Variants in SLC24A2 observed in about 807,000 individuals in gnomAD.
SLC24A2 encodes solute carrier family 24 member 2.
In SLC24A2, 36 loss-of-function variants were observed where a neutral mutation model predicts 62.0. That is an observed-to-expected ratio of 0.58 (90% CI 0.44 to 0.77). The LOEUF is 0.77. Among genes scored for constraint, SLC24A2 ranks in the 30% least tolerant of loss-of-function variants. The pLI is 0.00. For synonymous variants in SLC24A2, 358 were observed against 294.0 expected (o/e 1.22, Z -2.23); for missense variants, 846 against 817.9 (o/e 1.03, Z -0.42).
chr9:19,677,972 A>G (rs1014209101), intron 2 of SLC24A2, among the ~76,000 whole-genome samples: 7 of 152,204 alleles, frequency 4.6e-5, no homozygotes, highest in African/African-American at 1.7e-4. Flanking sequence ...TCCAGGCATC[A>G]GACGCCATGG....
the SLC24A2 span, among the ~76,000 whole-genome samples, chr9:20,133,243 C>T: frequency 2.7e-5 from 4 of 150,606 alleles, no homozygotes; most frequent in South Asian, 2.1e-4. Flanking sequence ...TGTATGTATA[C>T]ACACACACAC....
Position 19,528,107 on chromosome 9 carries a change from A to C in SLC24A2, c.1511T>G (p.Phe504Cys), listed in dbSNP as rs1382404529. Reference sequence around the variant, plus strand: ...TACTGCAATCCAGGTAATGGAGCCAAAGAACGTGATGGGAAAAAACTTCCT... The same window carrying C: ...TACTGCAATCCAGGTAATGGAGCCACAGAACGTGATGGGAAAAAACTTCCT... ...SSRKFFPITF[F>C]GSITWIAVFS... The change falls in exon 9 of 11, where the codon TTT becomes TGT. Residue 504 changes from phenylalanine (F) to cysteine (C), a missense_variant. Physicochemically the swap from Phe to Cys is radical, Grantham distance 205. Coordinates refer to ENST00000341998, the MANE Select transcript of SLC24A2 (RefSeq NM_020344.4). The C allele has an allele frequency of 3.1e-6, 5 of 1,597,336 alleles. No homozygotes were observed. Among genetic ancestry groups the C allele is most frequent in the Non-Finnish European group, 4.3e-6 (5 of 1,171,200 alleles).
chr9:19,997,885 T>C, the SLC24A2 span, among the ~76,000 whole-genome samples: 2 of 152,206 alleles, frequency 1.3e-5, no homozygotes, highest in Admixed American at 1.3e-4. Context: ...GAATCAGATT[T>C]GAATCAGAAT....
intron 2 of SLC24A2, among the ~76,000 whole-genome samples, chr9:19,775,227 C>A (rs1822811177): frequency 6.6e-6 from 1 of 152,232 alleles, no homozygotes; most frequent in Non-Finnish European, 1.5e-5. Context: ...TCCAATCCTT[C>A]ATAAAAAGGA....
At chr9:20,124,529 T>C in the SLC24A2 span, among the ~76,000 whole-genome samples, 3 of 152,308 alleles carry the variant, frequency 2.0e-5, no homozygotes, top group East Asian at 5.8e-4. Context: ...TCAGATGCCA[T>C]GTTGCTGCTC....
the SLC24A2 span, among the ~76,000 whole-genome samples, chr9:20,136,709 A>G: frequency 6.6e-6 from 1 of 152,184 alleles, no homozygotes; most frequent in African/African-American, 2.4e-5. Flanking sequence ...CACAGCTTCT[A>G]AGGAATACAT....
chr9:20,216,733 T>C, the SLC24A2 span, among the ~76,000 whole-genome samples: 1 of 152,198 alleles, frequency 6.6e-6, no homozygotes, highest in African/African-American at 2.4e-5. Context: ...TTTGAACAAA[T>C]GCTTCTCAAT....
chr9:19,655,816 T>C (rs1212537757), intron 2 of SLC24A2, among the ~76,000 whole-genome samples: 1 of 152,256 alleles, frequency 6.6e-6, no homozygotes, highest in South Asian at 2.1e-4. Flanking sequence ...GAGAGCAATT[T>C]TGAGTTCATA....
chr9:20,005,959 A>G, the SLC24A2 span, among the ~76,000 whole-genome samples: 3 of 151,650 alleles, frequency 2.0e-5, no homozygotes, highest in Admixed American at 6.6e-5. Context: ...GATAGCCAGC[A>G]TATCAGTACC....
chr9:19,927,884 G>C, the SLC24A2 span: 3 of 152,362 alleles, frequency 2.0e-5, no homozygotes, highest in Middle Eastern at 3.1e-3. Context: ...CCAAACCAAA[G>C]CTCCCTCCCT....
chr9:20,197,784 TAAAC>T, the SLC24A2 span, among the ~76,000 whole-genome samples: 1 of 151,980 alleles, frequency 6.6e-6, no homozygotes, highest in Non-Finnish European at 1.5e-5. Flanking sequence ...AGTGAGGACA[TAAAC>T]AAACCAAAAG....
intron 2 of SLC24A2, among the ~76,000 whole-genome samples, chr9:19,715,680 C>T (rs1028987523): frequency 6.6e-6 from 1 of 152,184 alleles, no homozygotes; most frequent in Admixed American, 6.5e-5. Context: ...CACACCATTA[C>T]ATGCTCCTCA....
intron 2 of SLC24A2, among the ~76,000 whole-genome samples, chr9:19,774,571 T>A (rs1822788412): frequency 6.6e-6 from 1 of 152,340 alleles, no homozygotes; most frequent in South Asian, 2.1e-4. Flanking sequence ...TCAGCCTATG[T>A]AAGTTGCTAG....
the SLC24A2 span, chr9:19,926,748 T>C: frequency 6.6e-6 from 1 of 152,346 alleles, no homozygotes; most frequent in Non-Finnish European, 1.5e-5. Flanking sequence ...GGCCATTTGC[T>C]GTATGCACCC....
At chr9:20,162,607 G>A in the SLC24A2 span, among the ~76,000 whole-genome samples, 2 of 152,068 alleles carry the variant, frequency 1.3e-5, no homozygotes, top group African/African-American at 4.8e-5. Flanking sequence ...AGAAAAAGAG[G>A]GAATCCTCCC....
chr9:19,992,987 T>A, the SLC24A2 span, among the ~76,000 whole-genome samples: 1 of 152,194 alleles, frequency 6.6e-6, no homozygotes, highest in South Asian at 2.1e-4. Context: ...AACAAACTAA[T>A]GTCAGCCTTA....
intron 8 of SLC24A2, among the ~76,000 whole-genome samples, chr9:19,541,776 T>C (rs1834271877): frequency 6.7e-6 from 1 of 148,950 alleles, no homozygotes; most frequent in Non-Finnish European, 1.5e-5. Flanking sequence ...TAAGCAAGCC[T>C]GGGCAATGGC....
rs559966845 is a variant in SLC24A2 at position 19,514,762 on chromosome 9, C to G, written c.*1391G>C. ...GATGGAAGAAGAGACATAGATGTTA[C>G]AAGAACTTTAACCAAAGCCTGGTCC... On this transcript the variant is annotated 3_prime_UTR_variant, in exon 11 of 11. Coordinates refer to ENST00000341998, the MANE Select transcript of SLC24A2 (RefSeq NM_020344.4). The G allele has an allele frequency of 6.6e-6, 1 of 152,154 alleles. No individual in the cohort carries two copies. The highest frequency in any genetic ancestry group is 2.1e-4 in the South Asian group (1 of 4,836). The allele number at this position is 152,154 out of a possible 1,614,324, so 9.4% of individuals were successfully genotyped here.
At chr9:19,730,584 T>C (rs1821306662) in intron 2 of SLC24A2, among the ~76,000 whole-genome samples, 1 of 152,152 alleles carries the variant, frequency 6.6e-6, no homozygotes, top group South Asian at 2.1e-4. Context: ...AAAACATATC[T>C]AACTTATATA....
Sources: gnomAD v4.1 joint callset for allele counts (sites outside exome capture counted in the v4.1 genomes callset) on GRCh38, gnomAD v4.1.1 for gene constraint, MANE v1.5 for transcripts, NCBI Gene and HGNC (gene_info 2026-07-23, HGNC 2026-07-21) for gene names.